The following OPCML variants were observed in gnomAD, a reference collection of about 807,000 sequenced individuals.
OPCML encodes the protein opioid-binding protein/cell adhesion molecule.
In OPCML, 13 loss-of-function variants were observed where a neutral mutation model predicts 37.8. That is an observed-to-expected ratio of 0.34 (90% CI 0.22 to 0.55). OPCML has a LOEUF of 0.55. Ranked by LOEUF, OPCML falls within the 20% of genes least tolerant of loss-of-function variation. OPCML has a pLI of 0.91. For missense variants in OPCML, 341 were observed against 435.6 expected, an observed-to-expected ratio of 0.78 and a Z score of 1.93; for synonymous variants, 176 against 168.8, an observed-to-expected ratio of 1.04 and a Z score of -0.33.
At chr11:133,472,528 C>T (rs909724265) in intron 1 of OPCML, among the ~76,000 whole-genome samples, 17 of 151,672 alleles carry the variant, frequency 1.1e-4, no homozygotes, top group East Asian at 2.0e-4. Flanking sequence ...CCCCGATCTT[C>T]GGCTGCCATT....
At chr11:132,917,141 T>C (rs1944633558) in intron 2 of OPCML, among the ~76,000 whole-genome samples, 1 of 152,084 alleles carries the variant, frequency 6.6e-6, no homozygotes, top group South Asian at 2.1e-4. Context: ...ATTAGACAAA[T>C]ACCGTACGCT....
chr11:133,436,284 T>A (rs35452595), intron 1 of OPCML, among the ~76,000 whole-genome samples: 21,690 of 152,130 alleles, frequency 0.14, 1,749 homozygotes, highest in African/African-American at 0.21. Context: ...AAAAGACTGT[T>A]AGTTTTGGTT....
At chr11:132,561,284 C>T (rs1164669725) in intron 3 of OPCML, among the ~76,000 whole-genome samples, 1 of 152,238 alleles carries the variant, frequency 6.6e-6, no homozygotes, top group Non-Finnish European at 1.5e-5. Flanking sequence ...TCTACTCCAT[C>T]TTCCACATTG....
chr11:133,458,856 T>C (rs912364763), intron 1 of OPCML, among the ~76,000 whole-genome samples: 3 of 148,806 alleles, frequency 2.0e-5, no homozygotes, highest in African/African-American at 7.8e-5. Context: ...TGCACGTGTG[T>C]GTGTATATAT....
At chr11:133,430,622 A>G (rs2136915432) in intron 1 of OPCML, among the ~76,000 whole-genome samples, 1 of 152,342 alleles carries the variant, frequency 6.6e-6, no homozygotes, top group Admixed American at 6.5e-5. Context: ...ATATTTGAAG[A>G]ATACATGACA....
In OPCML at chr11:133,084,722, T is replaced by C. The variant is rs544494754; in HGVS notation, c.62-141712A>G. ...GCCTCATGGGGTCTCCATGTCCTTC[T>C]GCACTGCGAGTATGAGATCACCTGT... On this transcript the variant is annotated intron_variant, in intron 1 of 7. Transcript: ENST00000524381. 5.3e-5 allele frequency among the ~76,000 whole-genome samples: 8 copies of C among 152,350 alleles called. No individual in the cohort carries two copies. In the South Asian group the frequency reaches 6.2e-4, roughly 12 times the overall value.
intron 2 of OPCML, among the ~76,000 whole-genome samples, chr11:132,887,005 G>C (rs925051298): frequency 6.6e-6 from 1 of 152,166 alleles, no homozygotes; most frequent in South Asian, 2.1e-4. Flanking sequence ...TCATTAAAAA[G>C]AGTAGATTAA....
At chr11:132,733,354 T>G (rs868319186) in intron 2 of OPCML, among the ~76,000 whole-genome samples, 4 of 151,978 alleles carry the variant, frequency 2.6e-5, no homozygotes, top group Middle Eastern at 3.4e-3. Flanking sequence ...CAAAAGAGGA[T>G]TAAAAGAACA....
At chr11:133,344,474 C>CG (rs1259875284) in intron 1 of OPCML, among the ~76,000 whole-genome samples, 1 of 152,082 alleles carries the variant, frequency 6.6e-6, no homozygotes, top group Non-Finnish European at 1.5e-5. Context: ...AATCCTGTTG[C>CG]GTTCTGACAT....
intron 4 of OPCML, among the ~76,000 whole-genome samples, chr11:132,461,329 G>T (rs1236458648): frequency 6.6e-6 from 1 of 152,116 alleles, no homozygotes; most frequent in African/African-American, 2.4e-5. Context: ...GGCCAATTAT[G>T]TAATTAATCA....
intron 2 of OPCML, among the ~76,000 whole-genome samples, chr11:132,782,933 A>ATATATATATG (rs1565860349): frequency 6.8e-6 from 1 of 146,570 alleles, no homozygotes; most frequent in Non-Finnish European, 1.5e-5. Flanking sequence ...ATATATATAT[A>ATATATATATG]TATATATATA....
intron 1 of OPCML, among the ~76,000 whole-genome samples, chr11:133,062,466 T>C (rs1268892584): frequency 6.6e-6 from 1 of 152,180 alleles, no homozygotes; most frequent in East Asian, 1.9e-4. Flanking sequence ...AATTTGCAAA[T>C]GATATCATTT....
chr11:133,005,722 T>C (rs1317244054), intron 1 of OPCML: 2 of 977,822 alleles, frequency 2.0e-6, no homozygotes, highest in East Asian at 2.3e-4. Context: ...ATCTTTTCTG[T>C]TAATTCTTTT....
At chr11:133,278,105 G>A (rs1396616693) in intron 1 of OPCML, among the ~76,000 whole-genome samples, 3 of 152,202 alleles carry the variant, frequency 2.0e-5, no homozygotes, top group Admixed American at 2.0e-4. Context: ...TTGTCCCACT[G>A]TAGCGTATGT....
chr11:132,432,991 G>A (rs554408681), intron 7 of OPCML, among the ~76,000 whole-genome samples: 3 of 152,332 alleles, frequency 2.0e-5, no homozygotes, highest in African/African-American at 7.2e-5. Flanking sequence ...AGTGGATGCA[G>A]AATTGGGGAC....
intron 1 of OPCML, among the ~76,000 whole-genome samples, chr11:133,358,791 G>T (rs1944348619): frequency 6.6e-6 from 1 of 151,880 alleles, no homozygotes; most frequent in African/African-American, 2.4e-5. Flanking sequence ...TTTGAGCAGA[G>T]CCCTGAATGG....
At chr11:133,349,553 G>T (rs538396362) in intron 1 of OPCML, among the ~76,000 whole-genome samples, 2 of 152,118 alleles carry the variant, frequency 1.3e-5, no homozygotes, top group African/African-American at 2.4e-5. Flanking sequence ...AGTGGGATCC[G>T]AGAAACAATA....
At chr11:133,522,569 T>C (rs1391046543) in intron 1 of OPCML, among the ~76,000 whole-genome samples, 1 of 152,124 alleles carries the variant, frequency 6.6e-6, no homozygotes, top group Non-Finnish European at 1.5e-5. Context: ...TACACTAAGG[T>C]GAGAGAGCTT....
intron 2 of OPCML, among the ~76,000 whole-genome samples, chr11:132,845,613 A>G (rs1941491851): frequency 6.6e-6 from 1 of 152,078 alleles, no homozygotes; most frequent in Admixed American, 6.5e-5. Flanking sequence ...TCGAGTTCCC[A>G]AAAGGGGCCC....
Sources: gnomAD v4.1 joint callset for allele counts (sites outside exome capture counted in the v4.1 genomes callset) on GRCh38, gnomAD v4.1.1 for gene constraint, MANE v1.5 for transcripts, NCBI Gene and HGNC (gene_info 2026-07-23, HGNC 2026-07-21) for gene names.